Variants in AGBL4 observed in about 807,000 individuals in gnomAD.
The protein encoded by AGBL4 is cytosolic carboxypeptidase 6.
Under a neutral mutation model 66.4 loss-of-function variants are expected in AGBL4, and 58 were observed. That is an observed-to-expected ratio of 0.87 (90% CI 0.71 to 1.09). AGBL4 has a LOEUF of 1.09. Among genes scored for constraint, AGBL4 ranks in the 50% least tolerant of loss-of-function variants. AGBL4 has a pLI of 0.00. For missense variants in AGBL4, 579 were observed against 631.0 expected, an observed-to-expected ratio of 0.92 and a Z score of 0.88; for synonymous variants, 234 against 222.9, an observed-to-expected ratio of 1.05 and a Z score of -0.44.
intron 3 of AGBL4, among the ~76,000 whole-genome samples, chr1:49,551,750 C>T (rs963334439): frequency 2.6e-5 from 4 of 152,324 alleles, no homozygotes; most frequent in Non-Finnish European, 4.4e-5. Flanking sequence ...TAGTTTAATG[C>T]TCTATTTTTG....
intron 4 of AGBL4, among the ~76,000 whole-genome samples, chr1:49,112,070 CT>C (rs1234379496): frequency 6.6e-6 from 1 of 152,156 alleles, no homozygotes; most frequent in African/African-American, 2.4e-5. Context: ...CTAGCTTTGT[CT>C]GTGTTCTACT....
intron 3 of AGBL4, among the ~76,000 whole-genome samples, chr1:49,351,227 TA>T (rs977092031): frequency 1.3e-5 from 2 of 152,104 alleles, no homozygotes; most frequent in Admixed American, 1.3e-4. Context: ...CTGAGTGGGG[TA>T]AACAGTGGCT....
chr1:48,721,670 C>A (rs1462310993), intron 6 of AGBL4, among the ~76,000 whole-genome samples: 1 of 152,184 alleles, frequency 6.6e-6, no homozygotes, highest in Non-Finnish European at 1.5e-5. Context: ...AGATCAGGGA[C>A]CCCTGTGGTC....
chr1:49,323,763 C>G (rs1231801901), intron 3 of AGBL4, among the ~76,000 whole-genome samples: 1 of 149,056 alleles, frequency 6.7e-6, no homozygotes, highest in Non-Finnish European at 1.5e-5. Flanking sequence ...AGCGAGGCCC[C>G]GTTTCAGAAA....
chr1:49,528,742 T>G (rs931514331), intron 3 of AGBL4, among the ~76,000 whole-genome samples: 1 of 151,840 alleles, frequency 6.6e-6, no homozygotes, highest in Non-Finnish European at 1.5e-5. Context: ...GGACGAAAAA[T>G]TTTTAAAAAA....
At chr1:48,680,150 G>A (rs558953319) in intron 6 of AGBL4, among the ~76,000 whole-genome samples, 1 of 152,312 alleles carries the variant, frequency 6.6e-6, no homozygotes, top group South Asian at 2.1e-4. Context: ...TAAAAATGAC[G>A]CAGCTATAAT....
chr1:49,312,129 T>TTAA (rs1359916648), intron 3 of AGBL4, among the ~76,000 whole-genome samples: 1 of 152,092 alleles, frequency 6.6e-6, no homozygotes, highest in Non-Finnish European at 1.5e-5. Context: ...TTACAGAAAC[T>TTAA]TAATCCCCAA....
intron 3 of AGBL4, among the ~76,000 whole-genome samples, chr1:49,260,771 C>T (rs1653065795): frequency 6.6e-6 from 1 of 152,018 alleles, no homozygotes; most frequent in African/African-American, 2.4e-5. Context: ...CTACTCCAAT[C>T]AATAGAAAAA....
At chr1:49,061,355 C>A (rs1478720609) in intron 4 of AGBL4, among the ~76,000 whole-genome samples, 5 of 152,116 alleles carry the variant, frequency 3.3e-5, no homozygotes, top group African/African-American at 9.7e-5. Context: ...AGGAGATACC[C>A]CTTGAATATC....
In AGBL4 at chr1:49,942,127, A is replaced by T. The variant is rs528922368; in HGVS notation, c.34+81636T>A. Among the ~76,000 whole-genome samples, 3 of 152,260 alleles carry T rather than the reference A, an allele frequency of 2.0e-5. No homozygotes were observed. The South Asian group carries it at 6.2e-4, about 32-fold the overall frequency. On this transcript the variant is annotated intron_variant, in intron 1 of 13. Coordinates refer to ENST00000371839, the MANE Select transcript of AGBL4 (RefSeq NM_032785.4). ...TAGCATCAAAAATACTTAGAAATAA[A>T]TTCATTCAAGTAAATAACATATTTG...
chr1:49,894,540 A>C (rs1035978901), intron 1 of AGBL4, among the ~76,000 whole-genome samples: 3 of 152,164 alleles, frequency 2.0e-5, no homozygotes, highest in Non-Finnish European at 4.4e-5. Flanking sequence ...TCAGAATTCT[A>C]TCAGATAAAT....
chr1:49,255,289 A>T (rs1652388804), intron 3 of AGBL4, among the ~76,000 whole-genome samples: 2 of 152,238 alleles, frequency 1.3e-5, no homozygotes, highest in South Asian at 4.1e-4. Context: ...TCTAATATCC[A>T]GCATCTATAA....
At chr1:48,997,139 T>C (rs1661080054) in intron 5 of AGBL4, among the ~76,000 whole-genome samples, 1 of 152,128 alleles carries the variant, frequency 6.6e-6, no homozygotes, top group Admixed American at 6.5e-5. Flanking sequence ...GCCAGGCTGG[T>C]CTTGAACTCC....
At chr1:49,586,602 A>G (rs1415263838) in intron 3 of AGBL4, among the ~76,000 whole-genome samples, 2 of 152,154 alleles carry the variant, frequency 1.3e-5, no homozygotes, top group African/African-American at 4.8e-5. Context: ...CCTGCTCAGC[A>G]TGAACATAGT....
intron 3 of AGBL4, among the ~76,000 whole-genome samples, chr1:49,349,202 C>T (rs896849064): frequency 1.3e-5 from 2 of 152,124 alleles, no homozygotes; most frequent in Non-Finnish European, 2.9e-5. Flanking sequence ...TGGTACCTTC[C>T]TTATATTTCC....
the AGBL4 span, among the ~76,000 whole-genome samples, chr1:48,527,564 T>C: frequency 3.4e-5 from 5 of 149,158 alleles, no homozygotes; most frequent in African/African-American, 1.2e-4. Context: ...GCCACTGTAC[T>C]CCAGCCTAGT....
chr1:49,511,203 G>T lies in AGBL4; in HGVS notation c.282+186110C>A, dbSNP rs531201848. Among the ~76,000 whole-genome samples, 279 of 151,534 alleles carry T rather than the reference G, an allele frequency of 1.8e-3. 2 individuals are homozygous for T. Among genetic ancestry groups the T allele is most frequent in the African/African-American group, 6.4e-3 (264 of 41,372 alleles). On this transcript the variant is annotated intron_variant, in intron 3 of 13. Coordinates refer to ENST00000371839, the MANE Select transcript of AGBL4 (RefSeq NM_032785.4). The stretch of plus-strand genomic sequence containing the variant: ...CACAATAGCAAAGACTTGGAACCAA[G>T]CCAAATGTCCAACAATGATAGACTG...
chr1:49,953,572 A>C (rs1049488622), intron 1 of AGBL4, among the ~76,000 whole-genome samples: 2 of 151,976 alleles, frequency 1.3e-5, no homozygotes, highest in African/African-American at 4.8e-5. Flanking sequence ...CGCTTAATCC[A>C]AAAATCCGAA....
At chr1:48,776,775 C>T (rs1267856882) in intron 6 of AGBL4, 5 of 1,524,338 alleles carry the variant, frequency 3.3e-6, no homozygotes, top group Admixed American at 4.2e-5. Flanking sequence ...CGCGCACGCA[C>T]GACACGGGCA....
Sources: allele counts gnomAD v4.1 joint callset (sites outside exome capture counted in the v4.1 genomes callset), GRCh38; gene constraint gnomAD v4.1.1; transcripts MANE v1.5; gene names NCBI Gene and HGNC (gene_info 2026-07-23, HGNC 2026-07-21).